Variants in CDH13 observed in about 807,000 individuals in gnomAD.
The protein encoded by CDH13 is cadherin-13.
In CDH13, 24 loss-of-function variants were observed where a neutral mutation model predicts 63.8. The observed-to-expected ratio is 0.38, with a 90% CI of 0.27 to 0.53. The LOEUF is 0.53. Ranked by LOEUF, CDH13 falls within the 20% of genes least tolerant of loss-of-function variation. CDH13 has a pLI of 0.85. For synonymous variants in CDH13, 503 were observed against 355.3 expected (o/e 1.42, Z -4.67); for missense variants, 1,049 against 903.1 (o/e 1.16, Z -2.07).
chr16:83,330,230 C>G (rs1354247953), intron 5 of CDH13, among the ~76,000 whole-genome samples: 4 of 152,148 alleles, frequency 2.6e-5, no homozygotes, highest in Non-Finnish European at 5.9e-5. Flanking sequence ...TGCACACACA[C>G]AGGTGCAAGT....
chr16:83,198,320 TGTACAC>T (rs1378303561), intron 4 of CDH13, among the ~76,000 whole-genome samples: 1 of 137,672 alleles, frequency 7.3e-6, no homozygotes, highest in African/African-American at 2.9e-5. Context: ...ATCACACACA[TGTACAC>T]ACACACACAC....
chr16:82,655,283 A>G (rs1597231865), intron 1 of CDH13, among the ~76,000 whole-genome samples: 1 of 152,262 alleles, frequency 6.6e-6, no homozygotes, highest in African/African-American at 2.4e-5. Context: ...GAGCCGGTCA[A>G]TCAAGCACCA....
chr16:82,947,538 T>A (rs766713802), intron 2 of CDH13, among the ~76,000 whole-genome samples: 2 of 152,016 alleles, frequency 1.3e-5, no homozygotes, highest in Non-Finnish European at 2.9e-5. Context: ...TTGACACATC[T>A]GCCTTAATTA....
chr16:83,646,439 A>T (rs1262955890), intron 8 of CDH13, among the ~76,000 whole-genome samples: 1 of 152,096 alleles, frequency 6.6e-6, no homozygotes, highest in Non-Finnish European at 1.5e-5. Flanking sequence ...AGTGGTTCAC[A>T]CCTGTAATCC....
intron 1 of CDH13, among the ~76,000 whole-genome samples, chr16:82,834,506 C>G (rs908797283): frequency 2.0e-5 from 3 of 152,132 alleles, no homozygotes; most frequent in Non-Finnish European, 2.9e-5. Context: ...AGGTGCCTTC[C>G]ATTGGTGAAG....
chr16:83,153,379 C>A (rs1409223579), intron 4 of CDH13, among the ~76,000 whole-genome samples: 1 of 152,022 alleles, frequency 6.6e-6, no homozygotes, highest in Non-Finnish European at 1.5e-5. Flanking sequence ...CAAACAATGA[C>A]CTTAGGAGCA....
intron 6 of CDH13, among the ~76,000 whole-genome samples, chr16:83,478,151 C>A (rs1318703279): frequency 6.7e-6 from 1 of 149,366 alleles, no homozygotes; most frequent in Non-Finnish European, 1.5e-5. Flanking sequence ...CAGAGCAAGA[C>A]TCCGTCTCAA....
chr16:83,394,557 A>T (rs2091849350), intron 6 of CDH13, among the ~76,000 whole-genome samples: 2 of 152,190 alleles, frequency 1.3e-5, no homozygotes. Context: ...CCAACTGTGC[A>T]GGCGTAGTAA....
At chr16:83,080,871 G>GTTTTGTTTTTTTTTTTTTTTT (rs2033184438) in intron 3 of CDH13, among the ~76,000 whole-genome samples, 1 of 46,928 alleles carries the variant, frequency 2.1e-5, no homozygotes, top group East Asian at 9.5e-4. Context: ...TTGTTTTTGT[G>GTTTTGTTTTTTTTTTTTTTTT]TTTTTTTTTT....
intron 5 of CDH13, among the ~76,000 whole-genome samples, chr16:83,322,538 C>A (rs919060653): frequency 6.6e-6 from 1 of 151,978 alleles, no homozygotes. Context: ...GAGACAAAGC[C>A]ATTTTTACAC....
chr16:82,697,825 T>G (rs1322123214), intron 1 of CDH13, among the ~76,000 whole-genome samples: 1 of 151,834 alleles, frequency 6.6e-6, no homozygotes, highest in African/African-American at 2.4e-5. Flanking sequence ...GCCAAATGGT[T>G]TTGAATATAT....
intron 2 of CDH13, among the ~76,000 whole-genome samples, chr16:82,875,818 C>G (rs1029370151): frequency 6.6e-6 from 1 of 152,160 alleles, no homozygotes; most frequent in African/African-American, 2.4e-5. Context: ...AGGTTACATA[C>G]GAAGCTGGTT....
chr16:83,602,444 T>C lies in CDH13; in HGVS notation c.961-10T>C, dbSNP rs137974484. 378 of 1,613,926 alleles carry C rather than the reference T, an allele frequency of 2.3e-4. No individual in the cohort carries two copies. In the African/African-American group the frequency reaches 4.5e-3, roughly 19 times the overall value. On this transcript the variant is annotated splice_polypyrimidine_tract_variant and intron_variant, in intron 7 of 13. Transcript: ENST00000567109. ...ATGTCATATTATTTCTTTGTGCTTGTGCTTTGTAGACTCTGGAAAATCCCA... is the reference window on the plus strand; with the variant it reads ...ATGTCATATTATTTCTTTGTGCTTGCGCTTTGTAGACTCTGGAAAATCCCA...
intron 3 of CDH13, among the ~76,000 whole-genome samples, chr16:83,069,709 T>C (rs1013457814): frequency 1.3e-5 from 2 of 152,276 alleles, no homozygotes; most frequent in East Asian, 1.9e-4. Context: ...CTCACCCTGA[T>C]TGGCTCTCCC....
At chr16:83,772,046 C>T (rs920187520) in intron 11 of CDH13, among the ~76,000 whole-genome samples, 1 of 152,168 alleles carries the variant, frequency 6.6e-6, no homozygotes, top group African/African-American at 2.4e-5. Flanking sequence ...AATGTACACT[C>T]TGTGGGTGGA....
intron 7 of CDH13, among the ~76,000 whole-genome samples, chr16:83,548,413 G>C (rs1012215841): frequency 6.6e-6 from 1 of 152,158 alleles, no homozygotes; most frequent in Non-Finnish European, 1.5e-5. Flanking sequence ...ACAATGCAAA[G>C]GGCAGCCCCT....
At chr16:82,899,411 C>T (rs2151238954) in intron 2 of CDH13, among the ~76,000 whole-genome samples, 1 of 152,346 alleles carries the variant, frequency 6.6e-6, no homozygotes, top group Middle Eastern at 3.4e-3. Context: ...CTGCAATGCA[C>T]TTCTAAATTG....
intron 4 of CDH13, among the ~76,000 whole-genome samples, chr16:83,190,562 C>T (rs1168157866): frequency 6.6e-6 from 1 of 152,138 alleles, no homozygotes; most frequent in African/African-American, 2.4e-5. Context: ...TGATGAATAA[C>T]ACATTGACTC....
intron 8 of CDH13, among the ~76,000 whole-genome samples, chr16:83,660,101 T>C (rs57165134): frequency 0.075 from 11,403 of 152,140 alleles, 691 homozygotes; most frequent in African/African-American, 0.17. Flanking sequence ...CACAACCTTT[T>C]TGGCACCAGG....
Sources: gnomAD v4.1 joint callset for allele counts (sites outside exome capture counted in the v4.1 genomes callset) on GRCh38, gnomAD v4.1.1 for gene constraint, MANE v1.5 for transcripts, NCBI Gene and HGNC (gene_info 2026-07-23, HGNC 2026-07-21) for gene names.